SUPT3H: variants seen among roughly 807,000 people sequenced by gnomAD.
The protein encoded by SUPT3H is SPT3 homolog, SAGA and STAGA complex component.
In SUPT3H, 44 loss-of-function variants were observed where a neutral mutation model predicts 44.3. The observed-to-expected ratio is 0.99, with a 90% CI of 0.78 to 1.28. The LOEUF is 1.28. SUPT3H is among the 50% of genes most tolerant of loss of function. SUPT3H has a pLI of 0.00. For synonymous variants in SUPT3H, 124 were observed against 125.6 expected (o/e 0.99, Z 0.09); for missense variants, 380 against 387.1 (o/e 0.98, Z 0.15).
At chr6:44,895,913 T>A (rs912468090) in intron 10 of SUPT3H, among the ~76,000 whole-genome samples, 2 of 151,826 alleles carry the variant, frequency 1.3e-5, no homozygotes, top group African/African-American at 4.8e-5. Flanking sequence ...TCACAAATAG[T>A]GCTTGGGGAA....
chr6:44,968,082 T>G (rs758447202), intron 6 of SUPT3H, among the ~76,000 whole-genome samples: 5 of 152,282 alleles, frequency 3.3e-5, no homozygotes, highest in Non-Finnish European at 7.4e-5. Context: ...CATGAGCCAC[T>G]GCACCTGGCC....
intron 10 of SUPT3H, among the ~76,000 whole-genome samples, chr6:44,894,635 T>C (rs1001160258): frequency 1.4e-4 from 22 of 152,180 alleles, no homozygotes; most frequent in Admixed American, 1.3e-4. Context: ...CCTTGTAGTA[T>C]AGTTTGAAGT....
intron 6 of SUPT3H, among the ~76,000 whole-genome samples, chr6:44,993,806 A>G (rs1780916604): frequency 6.6e-6 from 1 of 152,120 alleles, no homozygotes; most frequent in Non-Finnish European, 1.5e-5. Flanking sequence ...TTAACCTTTA[A>G]TAAACATAAC....
chr6:45,330,307 A>G (rs372051940), intron 2 of SUPT3H, among the ~76,000 whole-genome samples: 4 of 151,974 alleles, frequency 2.6e-5, no homozygotes, highest in African/African-American at 9.7e-5. Flanking sequence ...TACAACACAT[A>G]GCATAATTAC....
intron 2 of SUPT3H, among the ~76,000 whole-genome samples, chr6:45,236,141 C>CCT (rs10651571): frequency 0.85 from 129,648 of 151,912 alleles, 55,598 homozygotes; most frequent in African/African-American, 0.9. Flanking sequence ...CTGTGAGTCC[C>CCT]GATTTCCCAC....
intron 2 of SUPT3H, chr6:45,159,630 A>G (rs1808610504): frequency 6.6e-6 from 1 of 152,138 alleles, no homozygotes; most frequent in African/African-American, 2.4e-5. Flanking sequence ...AATAAATTAT[A>G]AATGTGTACT....
intron 2 of SUPT3H, among the ~76,000 whole-genome samples, chr6:45,123,230 G>C (rs1285670570): frequency 6.6e-6 from 1 of 152,164 alleles, no homozygotes; most frequent in East Asian, 1.9e-4. Flanking sequence ...TCCAAAATTA[G>C]TACATACCAC....
chr6:45,325,352 A>C (rs1442218706), intron 2 of SUPT3H, among the ~76,000 whole-genome samples: 1 of 151,878 alleles, frequency 6.6e-6, no homozygotes, highest in Admixed American at 6.6e-5. Context: ...GAAAATAAAA[A>C]ATTACTCAAA....
rs1562894036 is a variant in SUPT3H, at chr6:45,293,717, CCA to C, written c.101+71482_101+71483del. On this transcript the variant is annotated intron_variant, in intron 2 of 10. Transcript: ENST00000371459. ...AAGGCTACTATGAAGACCTTTACAT[CCA>C]CAGACTAGAAAACCTAGAAGAAATG... Among the ~76,000 whole-genome samples the C allele has an allele frequency of 2.6e-5, 4 of 151,994 alleles. No individual in the cohort carries two copies. The South Asian group carries it at 8.3e-4, about 32-fold the overall frequency.
At chr6:44,927,513 C>A (rs1451442986) in intron 10 of SUPT3H, among the ~76,000 whole-genome samples, 2 of 152,086 alleles carry the variant, frequency 1.3e-5, no homozygotes, top group Non-Finnish European at 2.9e-5. Flanking sequence ...TGTAAAATCA[C>A]AAACACTGAA....
intron 1 of SUPT3H, among the ~76,000 whole-genome samples, chr6:45,375,284 T>A (rs1032303994): frequency 6.6e-6 from 1 of 152,208 alleles, no homozygotes; most frequent in African/African-American, 2.4e-5. Context: ...CCAACAAGGC[T>A]AACAGTAGGG....
chr6:45,088,042 A>G (rs944602118), intron 3 of SUPT3H, among the ~76,000 whole-genome samples: 1 of 152,044 alleles, frequency 6.6e-6, no homozygotes, highest in Admixed American at 6.6e-5. Flanking sequence ...ATAAAACGAG[A>G]AGGCATAAAA....
intron 2 of SUPT3H, among the ~76,000 whole-genome samples, chr6:45,126,523 G>T (rs759792521): frequency 6.6e-6 from 1 of 152,136 alleles, no homozygotes; most frequent in Non-Finnish European, 1.5e-5. Flanking sequence ...GCAAACAGCT[G>T]CTATACACAC....
At chr6:45,364,325 C>T (rs1305303069) in intron 2 of SUPT3H, among the ~76,000 whole-genome samples, 1 of 152,168 alleles carries the variant, frequency 6.6e-6, no homozygotes, top group South Asian at 2.1e-4. Flanking sequence ...ACTCATTTTA[C>T]CTTTTAACAG....
chr6:45,061,555 T>C (rs535057144), intron 3 of SUPT3H, among the ~76,000 whole-genome samples: 3 of 152,170 alleles, frequency 2.0e-5, no homozygotes, highest in Admixed American at 6.5e-5. Flanking sequence ...AGTTTACCTA[T>C]GTAACAAACC....
intron 2 of SUPT3H, among the ~76,000 whole-genome samples, chr6:45,186,329 A>T (rs2153615817): frequency 6.6e-6 from 1 of 152,338 alleles, no homozygotes; most frequent in South Asian, 2.1e-4. Flanking sequence ...GTCAAAACTA[A>T]GATGAATCAA....
chr6:45,368,026 T>C (rs1202625565), intron 1 of SUPT3H, among the ~76,000 whole-genome samples: 4 of 152,166 alleles, frequency 2.6e-5, no homozygotes, highest in African/African-American at 9.6e-5. Context: ...TCCTTTCTTC[T>C]AGACATTAAA....
chr6:44,848,509 T>C (rs1018996865), intron 10 of SUPT3H, among the ~76,000 whole-genome samples: 1 of 152,216 alleles, frequency 6.6e-6, no homozygotes, highest in African/African-American at 2.4e-5. Context: ...GGTTCATTCC[T>C]AGTTTTAAAT....
At chr6:45,147,652 T>C (rs1185564731) in intron 2 of SUPT3H, among the ~76,000 whole-genome samples, 1 of 151,964 alleles carries the variant, frequency 6.6e-6, no homozygotes, top group East Asian at 1.9e-4. Flanking sequence ...CTTCAGTGCC[T>C]GGTGTCATAG....
Sources: gnomAD v4.1 joint callset for allele counts (sites outside exome capture counted in the v4.1 genomes callset) on GRCh38, gnomAD v4.1.1 for gene constraint, MANE v1.5 for transcripts, NCBI Gene and HGNC (gene_info 2026-07-23, HGNC 2026-07-21) for gene names.